ASAH2: variants seen among roughly 807,000 people sequenced by gnomAD.
The protein encoded by ASAH2 is N-acylsphingosine amidohydrolase 2.
Under a neutral mutation model 82.9 loss-of-function variants are expected in ASAH2, and 58 were observed. The ratio of observed to expected loss-of-function variants is 0.70; its 90% CI spans 0.57 to 0.87. The LOEUF (loss-of-function observed/expected upper bound fraction) is 0.87. Among genes scored for constraint, ASAH2 ranks in the 40% least tolerant of loss-of-function variants. ASAH2 has a pLI of 0.00. For missense variants in ASAH2, 779 were observed against 834.0 expected (o/e 0.93, Z 0.81); for synonymous variants, 276 against 289.7 (o/e 0.95, Z 0.48).
At chr10:50,229,856 A>G (rs1054820990) in intron 7 of ASAH2, among the ~76,000 whole-genome samples, 141 of 152,250 alleles carry the variant, frequency 9.3e-4, no homozygotes, top group Middle Eastern at 3.4e-3. Flanking sequence ...TCCTTTAAGA[A>G]AGTTCTACAC....
intron 3 of ASAH2, among the ~76,000 whole-genome samples, chr10:50,244,780 C>T (rs1485719300): frequency 6.6e-6 from 1 of 152,124 alleles, no homozygotes. Context: ...GATAGGGCAG[C>T]CCTGAGCCCC....
At chr10:50,199,279 T>C in intron 16 of ASAH2, 133 bp from the exon 17 acceptor site, 1 of 879,788 alleles carries the variant, frequency 1.1e-6, no homozygotes, top group South Asian at 1.5e-5. Flanking sequence ...CAAGATTATG[T>C]ATGACAAAAG....
intron 9 of ASAH2, among the ~76,000 whole-genome samples, chr10:50,214,291 C>T (rs1164884378): frequency 6.6e-6 from 1 of 152,026 alleles, no homozygotes; most frequent in African/African-American, 2.4e-5. Context: ...TCTGTACTTC[C>T]ACATTATTTG....
At chr10:50,209,827 C>T (rs1484595797) in intron 12 of ASAH2, among the ~76,000 whole-genome samples, 1 of 152,054 alleles carries the variant, frequency 6.6e-6, no homozygotes, top group Non-Finnish European at 1.5e-5. Flanking sequence ...CAAATCAAAA[C>T]CACAATGAGA....
At chr10:50,198,670 G>T (rs1363469620) in intron 17 of ASAH2, among the ~76,000 whole-genome samples, 2 of 151,946 alleles carry the variant, frequency 1.3e-5, no homozygotes, top group African/African-American at 4.8e-5. Flanking sequence ...GAGAACACAG[G>T]TTCAACTCCC....
At chr10:50,210,929 A>G in intron 11 of ASAH2, 25 bp from the exon 12 acceptor site, 2 of 1,610,734 alleles carry the variant, frequency 1.2e-6, no homozygotes, top group Non-Finnish European at 1.7e-6. Flanking sequence ...TTAAAAACAA[A>G]ACAAAAATGA....
intron 14 of ASAH2, among the ~76,000 whole-genome samples, 181 bp downstream of exon 14, chr10:50,204,680 T>C (rs1172110895): frequency 6.6e-6 from 1 of 151,888 alleles, no homozygotes; most frequent in African/African-American, 2.4e-5. Context: ...ATAATAAGCA[T>C]AGAGATAGTT....
chr10:50,230,573 A>G (rs1845997279), intron 7 of ASAH2, among the ~76,000 whole-genome samples: 1 of 152,200 alleles, frequency 6.6e-6, no homozygotes, highest in African/African-American at 2.4e-5. Context: ...ACGGCAGCTC[A>G]GAAACAATGG....
At chr10:50,203,024 TTAAGA>T in intron 15 of ASAH2, 100 bp from the exon 16 acceptor site, 1 of 849,808 alleles carries the variant, frequency 1.2e-6, no homozygotes. Flanking sequence ...CACTATTAGT[TTAAGA>T]TATTTTTCTT....
intron 18 of ASAH2, among the ~76,000 whole-genome samples, chr10:50,194,631 A>C (rs2133194027): frequency 6.6e-6 from 1 of 151,262 alleles, no homozygotes; most frequent in East Asian, 2.0e-4. Context: ...AACAAAGATG[A>C]AGGTACCACA....
intron 12 of ASAH2, among the ~76,000 whole-genome samples, chr10:50,208,791 T>C (rs1194246840): frequency 6.6e-6 from 1 of 152,172 alleles, no homozygotes; most frequent in African/African-American, 2.4e-5. Context: ...CTGACTTCTT[T>C]GTAAAAATTT....
chr10:50,200,711 C>T (rs2133199105), intron 16 of ASAH2, among the ~76,000 whole-genome samples: 1 of 152,102 alleles, frequency 6.6e-6, no homozygotes, highest in Non-Finnish European at 1.5e-5. Context: ...TCATTATGCC[C>T]CAGAAAGTGG....
chr10:50,247,994 C>A (rs1436218), intron 2 of ASAH2, among the ~76,000 whole-genome samples: 50,905 of 151,746 alleles, frequency 0.34, 10,419 homozygotes, highest in Non-Finnish European at 0.45. Context: ...CCTCCTTGGT[C>A]CACCTCCTCA....
intron 14 of ASAH2, 68 bp from the exon 15 acceptor site, chr10:50,203,747 G>T: frequency 1.5e-6 from 2 of 1,377,680 alleles, no homozygotes; most frequent in South Asian, 1.2e-5. Flanking sequence ...AGAAACACTG[G>T]CAGTGAAAGC....
At chr10:50,214,253 G>C (rs1031108207) in intron 9 of ASAH2, among the ~76,000 whole-genome samples, 6 of 152,142 alleles carry the variant, frequency 3.9e-5, no homozygotes, top group Non-Finnish European at 5.9e-5. Context: ...AAAGGGAGGC[G>C]AAGAGGGACT....
chr10:50,201,719 A>C (rs1201425464), intron 16 of ASAH2, among the ~76,000 whole-genome samples: 1 of 152,142 alleles, frequency 6.6e-6, no homozygotes, highest in Non-Finnish European at 1.5e-5. Context: ...AAAATAAAAT[A>C]CATGGAATTG....
Position 50,218,491 on chromosome 10 carries a change from C to T in ASAH2, c.1014+19G>A. Reference sequence around the variant, plus strand: ...ACTCAGTGAATCAAGATGAAGCTTTCAATGATATAAATTCTCACCTGTCCA... The same window carrying T: ...ACTCAGTGAATCAAGATGAAGCTTTTAATGATATAAATTCTCACCTGTCCA... On this transcript the variant is annotated intron_variant, in intron 8 of 20. Coordinates refer to ENST00000682911, the MANE Select transcript of ASAH2 (RefSeq NM_019893.4). 4.3e-6 allele frequency: 7 copies of T among 1,613,694 alleles called. No individual in the cohort carries two copies. The highest frequency in any genetic ancestry group is 1.3e-5 in the African/African-American group (1 of 75,016).
chr10:50,243,347 C>A lies in ASAH2; in HGVS notation c.365G>T (p.Gly122Val), dbSNP rs1192696067. 2.5e-6 allele frequency: 4 copies of A among 1,613,820 alleles called. No individual in the cohort carries two copies. Among genetic ancestry groups the A allele is most frequent in the Non-Finnish European group, 3.4e-6 (4 of 1,179,878 alleles). The change falls in exon 4 of 21, where the codon GGC becomes GTC. Residue 122 changes from glycine to valine, a missense_variant. Around this residue, in one of 3 missense-constraint regions of ASAH2, gnomAD observed 759 missense variants for 755.2 expected, o/e 1.00. Transcript: ENST00000682911. The stretch of plus-strand genomic sequence containing the variant: ...TGCATTCTGGCCGGATTTGCCATAG[C>A]CCATCTAAAGAGGAAGAGACAATCA... ...TGQVADINLM[G>V]YGKSGQNAQG...
intron 9 of ASAH2, among the ~76,000 whole-genome samples, 191 bp from the exon 10 acceptor site, chr10:50,213,249 A>C (rs1353823233): frequency 6.6e-6 from 1 of 152,236 alleles, no homozygotes; most frequent in East Asian, 1.9e-4. Context: ...ATGTCTTTAG[A>C]AATGATCTAT....
Sources: gnomAD v4.1 joint callset for allele counts (sites outside exome capture counted in the v4.1 genomes callset) on GRCh38, gnomAD v4.1.1 for gene constraint, gnomAD v4.1.1 regional missense constraint, MANE v1.5 for transcripts, NCBI Gene and HGNC (gene_info 2026-07-23, HGNC 2026-07-21) for gene names.